The following TSHZ2 variants were observed in gnomAD, a reference collection of about 807,000 sequenced individuals.
TSHZ2 encodes teashirt zinc finger homeobox 2.
A neutral mutation model predicts 74.4 loss-of-function variants in TSHZ2; 21 were observed. The observed-to-expected ratio is 0.28, with a 90% CI of 0.20 to 0.41. The LOEUF is 0.41. TSHZ2 is among the 10% of genes least tolerant of loss of function. The pLI is 1.00. For missense variants in TSHZ2, 1,244 were observed against 1,293.5 expected (o/e 0.96, Z 0.59); for synonymous variants, 540 against 515.3 (o/e 1.05, Z -0.65).
intron 1 of TSHZ2, among the ~76,000 whole-genome samples, chr20:53,042,622 T>G (rs1254723181): frequency 6.6e-6 from 1 of 150,604 alleles, no homozygotes; most frequent in Admixed American, 6.7e-5. Context: ...CTTCAGAAAG[T>G]GAAAGTCAGT....
At chr20:53,313,466 A>G (rs746140709) in intron 2 of TSHZ2, among the ~76,000 whole-genome samples, 1 of 152,214 alleles carries the variant, frequency 6.6e-6, no homozygotes, top group South Asian at 2.1e-4. Context: ...GGGTCCCTAC[A>G]GCATAAAAGG....
chr20:53,178,032 A>G (rs1255375334), intron 1 of TSHZ2: 1 of 152,214 alleles, frequency 6.6e-6, no homozygotes, highest in African/African-American at 2.4e-5. Context: ...CTCATGACCT[A>G]TTAAAAGTCA....
Position 53,050,103 on chromosome 20 carries a change from G to GTATATATATA in TSHZ2, c.40+76783_40+76792dup, listed in dbSNP as rs71897861. 4.2e-4 allele frequency among the ~76,000 whole-genome samples: 49 copies of GTATATATATA among 116,036 alleles called. 1 individual carries two copies. The highest frequency in any genetic ancestry group is 1.2e-3 in the African/African-American group (30 of 25,770). 76.1% of individuals were successfully genotyped at this position (116,036 alleles called of 152,430 possible). A position where few individuals can be genotyped will look rare whatever the true frequency, so the allele number is the denominator to read the frequency against. On this transcript the variant is annotated intron_variant, in intron 1 of 2. Coordinates refer to ENST00000371497, the MANE Select transcript of TSHZ2 (RefSeq NM_173485.6). ...CTCAAAAAAAAAAATGTATATGTGT[G>GTATATATATA]TATATATATATATATATATATACAC... is the stretch of plus-strand genomic sequence containing the variant.
intron 1 of TSHZ2, among the ~76,000 whole-genome samples, chr20:53,160,745 C>CCAA (rs1555831363): frequency 1.0e-5 from 1 of 95,850 alleles, no homozygotes; most frequent in African/African-American, 4.2e-5. Flanking sequence ...ACTCTGTCTC[C>CCAA]AAAAAAAAAA....
chr20:53,300,948 C>CT (rs1991466322), intron 2 of TSHZ2, among the ~76,000 whole-genome samples: 2 of 152,036 alleles, frequency 1.3e-5, no homozygotes, highest in Admixed American at 1.3e-4. Context: ...CTTTTCTTTT[C>CT]TTTCTTTCTT....
chr20:53,376,353 C>G (rs547087285), intron 2 of TSHZ2, among the ~76,000 whole-genome samples: 1 of 152,308 alleles, frequency 6.6e-6, no homozygotes, highest in African/African-American at 2.4e-5. Context: ...GCAATAAGTA[C>G]AGTGATGTTA....
intron 1 of TSHZ2, among the ~76,000 whole-genome samples, chr20:53,068,578 C>G (rs1463161874): frequency 6.6e-6 from 1 of 152,144 alleles, no homozygotes. Flanking sequence ...ACTGACCACA[C>G]TTGGCAATCA....
At chr20:53,017,800 T>C (rs940262459) in intron 1 of TSHZ2, among the ~76,000 whole-genome samples, 1 of 152,216 alleles carries the variant, frequency 6.6e-6, no homozygotes, top group African/African-American at 2.4e-5. Flanking sequence ...CTTTCTTTTC[T>C]GTGCTTCAGA....
In TSHZ2 at chr20:53,280,724, T is replaced by A. The variant is rs375283004; in HGVS notation, c.*8+24153T>A. Among the ~76,000 whole-genome samples the A allele has an allele frequency of 3.3e-5, 5 of 152,104 alleles. No homozygotes were observed. The East Asian group carries it at 7.7e-4, about 24-fold the overall frequency. ...TTGTGTGTTTTTTTGAGATGGAGTC[T>A]AGCTGTCGTCCAGGCTGGAGTACAG... On this transcript the variant is annotated intron_variant, in intron 2 of 2. Transcript: ENST00000371497.
At chr20:53,347,596 T>A (rs1445281975) in intron 2 of TSHZ2, among the ~76,000 whole-genome samples, 1 of 151,706 alleles carries the variant, frequency 6.6e-6, no homozygotes, top group Non-Finnish European at 1.5e-5. Flanking sequence ...CAATAAACCA[T>A]AAGCTACATA....
chr20:53,043,922 CAAAG>C (rs149511544), intron 1 of TSHZ2, among the ~76,000 whole-genome samples: 1,729 of 152,236 alleles, frequency 0.011, 29 homozygotes, highest in African/African-American at 0.039. Flanking sequence ...GCTGGAGACT[CAAAG>C]AAAAAGCACT....
At chr20:53,071,306 G>C (rs530842415) in intron 1 of TSHZ2, among the ~76,000 whole-genome samples, 2 of 152,304 alleles carry the variant, frequency 1.3e-5, no homozygotes, top group East Asian at 3.9e-4. Context: ...TTAGAAACTA[G>C]GGCTTAATGT....
At position 52,973,221 on chromosome 20, in the gene TSHZ2, C is replaced by A; in HGVS notation, c.-73C>A. On this transcript the variant is annotated 5_prime_UTR_variant, in exon 1 of 3. Transcript: ENST00000371497. Reference sequence around the variant, plus strand: ...AAGAGGCGGAGGAGACCCAGAGAGGCCAGAGAGACAGCGGGCCCCAGCGCG... The same window carrying A: ...AAGAGGCGGAGGAGACCCAGAGAGGACAGAGAGACAGCGGGCCCCAGCGCG... 6.5e-7 allele frequency: 1 copy of A among 1,545,286 alleles called. No homozygotes were observed.
At chr20:52,983,926 C>T (rs1981660106) in intron 1 of TSHZ2, among the ~76,000 whole-genome samples, 3 of 152,232 alleles carry the variant, frequency 2.0e-5, no homozygotes, top group African/African-American at 7.2e-5. Context: ...AACCCGCGCT[C>T]ATCCCCTCAG....
At chr20:53,114,334 T>C (rs946467158) in intron 1 of TSHZ2, among the ~76,000 whole-genome samples, 1 of 152,190 alleles carries the variant, frequency 6.6e-6, no homozygotes, top group African/African-American at 2.4e-5. Context: ...TGTTTATACC[T>C]AGTCTTGAGC....
chr20:53,214,776 G>A (rs1989395971), intron 1 of TSHZ2, among the ~76,000 whole-genome samples: 1 of 152,112 alleles, frequency 6.6e-6, no homozygotes, highest in African/African-American at 2.4e-5. Context: ...AAGGAAGGGA[G>A]GGTGTGTAGA....
intron 1 of TSHZ2, among the ~76,000 whole-genome samples, chr20:53,230,840 C>A (rs373874427): frequency 3.3e-5 from 5 of 150,150 alleles, no homozygotes; most frequent in Non-Finnish European, 7.4e-5. Flanking sequence ...TGCAGTGAGC[C>A]GAGATCACAC....
chr20:53,215,820 G>A (rs2251544), intron 1 of TSHZ2, among the ~76,000 whole-genome samples: 137,329 of 149,972 alleles, frequency 0.92, 63,035 homozygotes, highest in East Asian at 1. Context: ...GTGAGCCGAG[G>A]TCGCGCCATT....
rs1468563091 is a variant in TSHZ2, at chr20:53,494,848, T to C, written c.*7713T>C. ...TGCCTTTGTGTTGAAAAAAAAAAAG[T>C]CTCTTTTTTTTCCCCCACTCAGCAG... On this transcript the variant is annotated 3_prime_UTR_variant, in exon 3 of 3. Coordinates refer to ENST00000371497, the MANE Select transcript of TSHZ2 (RefSeq NM_173485.6). The C allele has an allele frequency of 6.6e-6, 1 of 151,658 alleles. No homozygotes were observed. Among genetic ancestry groups the C allele is most frequent in the South Asian group, 2.1e-4 (1 of 4,796 alleles). 9.4% of individuals were successfully genotyped at this position (151,658 alleles called of 1,614,324 possible).
Sources: allele counts gnomAD v4.1 joint callset (sites outside exome capture counted in the v4.1 genomes callset), GRCh38; gene constraint gnomAD v4.1.1; transcripts MANE v1.5; gene names NCBI Gene and HGNC (gene_info 2026-07-23, HGNC 2026-07-21).